STK35: variants seen among roughly 807,000 people sequenced by gnomAD.
The protein encoded by STK35 is serine/threonine-protein kinase 35.
Under a neutral mutation model 37.3 loss-of-function variants are expected in STK35, and 17 were observed. The ratio of observed to expected loss-of-function variants is 0.46; its 90% confidence interval spans 0.31 to 0.68. The LOEUF (loss-of-function observed/expected upper bound fraction) is 0.68. Ranked by LOEUF, STK35 falls within the 30% of genes least tolerant of loss-of-function variation. The pLI, the probability that STK35 is intolerant of heterozygous loss-of-function variation, is 0.05. For missense variants in STK35, 595 were observed against 746.7 expected, an observed-to-expected ratio of 0.80 and a Z score of 2.37; for synonymous variants, 385 against 319.1, an observed-to-expected ratio of 1.21 and a Z score of -2.20.
rs144905352 is a variant in STK35, at chr20:2,120,155, G to A, written c.*37+2740G>A. ...ACCTCTTAAAATTCAGATTTGCTCT[G>A]GCATAGGAAGGTTGTCATTGGAAGA... is the stretch of plus-strand genomic sequence containing the variant. On this transcript the variant is annotated intron_variant, in intron 3 of 3. Coordinates refer to ENST00000381482, the MANE Select transcript of STK35 (RefSeq NM_080836.4). Among the ~76,000 whole-genome samples the A allele has an allele frequency of 8.3e-3, 1,267 of 152,282 alleles. 15 individuals carry two copies. Among genetic ancestry groups the A allele is most frequent in the African/African-American group, 0.029 (1,206 of 41,554 alleles).
Position 2,110,268 on chromosome 20 carries a change from C to T in STK35, c.893-6398C>T, listed in dbSNP as rs75047360. Among the ~76,000 whole-genome samples the T allele has an allele frequency of 7.2e-4, 110 of 152,308 alleles. No homozygotes were observed. In the East Asian group the frequency reaches 0.019, roughly 26 times the overall value. ...CATAATTTATTCAAACTTCATTTTT[C>T]GGGGTTCCCTCATCCTTTTTCTTAA... is the stretch of plus-strand genomic sequence containing the variant. On this transcript the variant is annotated intron_variant, in intron 2 of 3. Coordinates refer to ENST00000381482, the MANE Select transcript of STK35 (RefSeq NM_080836.4).
intron 2 of STK35, among the ~76,000 whole-genome samples, chr20:2,108,717 T>C (rs937846787): frequency 6.6e-6 from 1 of 152,180 alleles, no homozygotes; most frequent in Non-Finnish European, 1.5e-5. Context: ...TTGGGGATTT[T>C]AGGTACCAGC....
At chr20:2,116,157 C>G (rs1035536445) in intron 2 of STK35, among the ~76,000 whole-genome samples, 4 of 151,966 alleles carry the variant, frequency 2.6e-5, no homozygotes, top group Non-Finnish European at 5.9e-5. Context: ...CTGAAATAAA[C>G]CAAGGAAATT....
chr20:2,117,431 T>C lies in STK35; in HGVS notation c.*37+16T>C. The C allele has an allele frequency of 4.2e-6, 6 of 1,443,352 alleles. No homozygotes were observed. The highest frequency in any genetic ancestry group is 5.7e-6 in the Non-Finnish European group (6 of 1,060,670). 89.4% of individuals were successfully genotyped at this position (1,443,352 alleles called of 1,614,324 possible). On this transcript the variant is annotated intron_variant, in intron 3 of 3. Coordinates refer to ENST00000381482, the MANE Select transcript of STK35 (RefSeq NM_080836.4). This position sits in a 1 kb window ranked among gnomAD's most constrained non-coding sequence, Gnocchi z 4.4. ...TTTAAACTAGGTGAGTGCTCTCTGTTGTTGTTTTTTGTTTTTTGTTTTGAG... is the reference window on the plus strand; with the variant it reads ...TTTAAACTAGGTGAGTGCTCTCTGTCGTTGTTTTTTGTTTTTTGTTTTGAG...
chr20:2,132,260 G>A (rs1004720378), intron 3 of STK35, among the ~76,000 whole-genome samples: 7 of 152,224 alleles, frequency 4.6e-5, no homozygotes, highest in African/African-American at 1.7e-4. Flanking sequence ...AAAGGGAGCT[G>A]GCTTTTGCCA....
At chr20:2,139,008 AGAGT>A (rs1986131250) in intron 3 of STK35, among the ~76,000 whole-genome samples, 1 of 152,214 alleles carries the variant, frequency 6.6e-6, no homozygotes, top group African/African-American at 2.4e-5. Flanking sequence ...CTTGGGTGAC[AGAGT>A]GAGACCCTGT....
chr20:2,134,956 A>C (rs1256761053), intron 3 of STK35, among the ~76,000 whole-genome samples: 1 of 152,212 alleles, frequency 6.6e-6, no homozygotes, highest in Non-Finnish European at 1.5e-5. Context: ...GGGGCTTTGC[A>C]GAACCTGTGC....
Position 2,117,159 on chromosome 20 carries a change from C to T in STK35, c.1386C>T (p.Leu462=), listed in dbSNP as rs764196599. 3 of 1,614,028 alleles carry T rather than the reference C, an allele frequency of 1.9e-6. No homozygotes were observed. The South Asian group carries it at 3.3e-5, about 18-fold the overall frequency. The change falls in exon 3 of 4, where the codon CTC becomes CTT. Residue 462 remains leucine, a synonymous_variant. Coordinates refer to ENST00000381482, the MANE Select transcript of STK35 (RefSeq NM_080836.4). This position sits in a 1 kb window ranked among gnomAD's most constrained non-coding sequence, Gnocchi z 4.4. ...TFIDSETKKE[L]LGTYIKQGTE... is the part of the protein sequence containing the mutation. ...TTGACTCTGAGACCAAGAAGGAGCTCCTGGGGACCTACATTAAACAGGGGA... is the reference window on the plus strand; with the variant it reads ...TTGACTCTGAGACCAAGAAGGAGCTTCTGGGGACCTACATTAAACAGGGGA...
intron 2 of STK35, among the ~76,000 whole-genome samples, chr20:2,115,910 G>C (rs1348123313): frequency 6.6e-6 from 1 of 151,464 alleles, no homozygotes; most frequent in Middle Eastern, 3.5e-3. Context: ...CCCCTTCACT[G>C]TTTATATGAG....
rs114371108 is a variant in STK35, at chr20:2,117,781, G to T, written c.*37+366G>T. Among the ~76,000 whole-genome samples the T allele has an allele frequency of 0.011, 1,609 of 152,194 alleles. 34 individuals are homozygous for T. Among genetic ancestry groups the T allele is most frequent in the African/African-American group, 0.037 (1,521 of 41,514 alleles). On this transcript the variant is annotated intron_variant, in intron 3 of 3. Coordinates refer to ENST00000381482, the MANE Select transcript of STK35 (RefSeq NM_080836.4). The surrounding 1 kb of genome is among the most constrained non-coding windows in gnomAD (Gnocchi z 4.4). ...TCTGTATGCCCACTTCTTGGACCGG[G>T]TTCTTCATTCTGGACCCTGGCATGG...
chr20:2,139,730 C>T (rs1180248343), intron 3 of STK35, among the ~76,000 whole-genome samples: 2 of 152,154 alleles, frequency 1.3e-5, no homozygotes, highest in African/African-American at 4.8e-5. Context: ...TGTTGCTTTA[C>T]GAGGTTGTTG....
Position 2,101,998 on chromosome 20 carries a change from A to G in STK35, c.117A>G (p.Gly39=). ...ACGTGGAAAGCCACGGGAGCCTAGG[A>G]GCCCAGGCTTCCCCAGCGAGCGCCG... ...REHVESHGSL[G]AQASPASAAA... is the part of the protein sequence containing the mutation. Residue 39 remains glycine, a synonymous_variant, in exon 1 of 4, where the codon GGA becomes GGG. Transcript: ENST00000381482. 6.5e-7 allele frequency: 1 copy of G among 1,527,290 alleles called. No homozygotes were observed. Among genetic ancestry groups the G allele is most frequent in the Non-Finnish European group, 8.8e-7 (1 of 1,142,458 alleles). 94.6% of individuals were successfully genotyped at this position (1,527,290 alleles called of 1,614,324 possible). A position where few individuals can be genotyped will look rare whatever the true frequency, so the allele number is the denominator to read the frequency against.
At chr20:2,127,258 T>G (rs557431148) in intron 3 of STK35, among the ~76,000 whole-genome samples, 21 of 151,390 alleles carry the variant, frequency 1.4e-4, no homozygotes, top group South Asian at 4.2e-4. Flanking sequence ...ACCCCTTTGT[T>G]TTTTTTTTTC....
intron 3 of STK35, among the ~76,000 whole-genome samples, chr20:2,118,475 G>T (rs945971096): frequency 9.2e-5 from 14 of 152,120 alleles, no homozygotes; most frequent in African/African-American, 2.9e-4. Flanking sequence ...CCAGCTACTC[G>T]GGAGGCTGAG....
chr20:2,117,961 G>A lies in STK35; in HGVS notation c.*37+546G>A, dbSNP rs1488600696. 2.0e-5 allele frequency among the ~76,000 whole-genome samples: 3 copies of A among 152,192 alleles called. No individual in the cohort carries two copies. On this transcript the variant is annotated intron_variant, in intron 3 of 3. Coordinates refer to ENST00000381482, the MANE Select transcript of STK35 (RefSeq NM_080836.4). This position sits in a 1 kb window ranked among gnomAD's most constrained non-coding sequence, Gnocchi z 4.4. ...TCTCAGAGGAGGTTGCGTTTAAGCC[G>A]AGTCTCCCTTTTTTTAGAAACGCTC...
At chr20:2,132,716 A>C (rs1374176803) in intron 3 of STK35, among the ~76,000 whole-genome samples, 3 of 152,248 alleles carry the variant, frequency 2.0e-5, no homozygotes, top group Non-Finnish European at 4.4e-5. Context: ...TAGGAAGATG[A>C]GAAACCTTTG....
At chr20:2,121,082 G>A (rs908098269) in intron 3 of STK35, among the ~76,000 whole-genome samples, 8 of 152,188 alleles carry the variant, frequency 5.3e-5, no homozygotes, top group Non-Finnish European at 1.0e-4. Flanking sequence ...GCCAGAGTGA[G>A]CAAGGAGTGT....
At chr20:2,123,017 T>C (rs1985845782) in intron 3 of STK35, among the ~76,000 whole-genome samples, 1 of 152,196 alleles carries the variant, frequency 6.6e-6, no homozygotes, top group Non-Finnish European at 1.5e-5. Context: ...CACAGCCTTT[T>C]ATCCCATGCA....
chr20:2,138,928 G>A (rs1986130214), intron 3 of STK35, among the ~76,000 whole-genome samples: 1 of 152,196 alleles, frequency 6.6e-6, no homozygotes, highest in African/African-American at 2.4e-5. Flanking sequence ...TCAGGAGGCT[G>A]AGGCAGGAGG....
Sources: gnomAD v4.1 joint callset for allele counts (sites outside exome capture counted in the v4.1 genomes callset) on GRCh38, gnomAD v4.1.1 for gene constraint, Gnocchi (gnomAD v3.1) non-coding constraint, MANE v1.5 for transcripts, NCBI Gene and HGNC (gene_info 2026-07-23, HGNC 2026-07-21) for gene names.